Variants in ESRRB observed in about 807,000 individuals in gnomAD.
ESRRB encodes the protein steroid hormone receptor ERR2.
In ESRRB, 16 loss-of-function variants were observed where a neutral mutation model predicts 46.0. That is an observed-to-expected ratio of 0.35 (90% CI 0.24 to 0.53). The LOEUF (loss-of-function observed/expected upper bound fraction) is 0.53. ESRRB is among the 20% of genes least tolerant of loss of function. ESRRB has a pLI of 0.93. For missense variants in ESRRB, 488 were observed against 607.4 expected, an observed-to-expected ratio of 0.80 and a Z score of 2.07; for synonymous variants, 246 against 259.6, an observed-to-expected ratio of 0.95 and a Z score of 0.50.
chr14:76,403,708 T>C (rs1021218085), intron 1 of ESRRB, among the ~76,000 whole-genome samples: 3 of 151,984 alleles, frequency 2.0e-5, no homozygotes, highest in African/African-American at 7.2e-5. Context: ...TGACAGGTGG[T>C]AAGACCCTGC....
intron 1 of ESRRB, among the ~76,000 whole-genome samples, chr14:76,328,194 A>G (rs975459908): frequency 1.3e-5 from 2 of 152,210 alleles, no homozygotes; most frequent in African/African-American, 4.8e-5. Flanking sequence ...ACTCATGCCA[A>G]TATAGGACCT....
chr14:76,345,397 A>G (rs141381640), intron 1 of ESRRB, among the ~76,000 whole-genome samples: 1,680 of 152,320 alleles, frequency 0.011, 33 homozygotes, highest in African/African-American at 0.038. Flanking sequence ...TGAATAGACA[A>G]TTCTCAAAAG....
chr14:76,352,831 C>A (rs1566858382), intron 1 of ESRRB, among the ~76,000 whole-genome samples: 2 of 152,220 alleles, frequency 1.3e-5, no homozygotes, highest in African/African-American at 2.4e-5. Context: ...GGAACGCGGG[C>A]TCTCTCCCCT....
chr14:76,451,161 G>A lies in ESRRB; in HGVS notation c.461-11384G>A, dbSNP rs111964742. On this transcript the variant is annotated intron_variant, in intron 2 of 6. Transcript: ENST00000644823. ...AGGAGGGGGCTCAGTGGTGGATGATGGGCTGGGAAAACAGCATGGCACTGG... is the reference window on the plus strand; with the variant it reads ...AGGAGGGGGCTCAGTGGTGGATGATAGGCTGGGAAAACAGCATGGCACTGG... Among the ~76,000 whole-genome samples, 519 of 152,316 alleles carry A rather than the reference G, an allele frequency of 3.4e-3. 8 individuals are homozygous for A. Among genetic ancestry groups the A allele is most frequent in the African/African-American group, 0.012 (499 of 41,570 alleles).
At chr14:76,334,124 A>G (rs1164360593) in intron 1 of ESRRB, among the ~76,000 whole-genome samples, 1 of 152,200 alleles carries the variant, frequency 6.6e-6, no homozygotes, top group Non-Finnish European at 1.5e-5. Context: ...GAATTATAAA[A>G]ATAAGAATAA....
intron 3 of ESRRB, among the ~76,000 whole-genome samples, chr14:76,469,578 A>G (rs1330602830): frequency 6.6e-6 from 1 of 152,246 alleles, no homozygotes; most frequent in Non-Finnish European, 1.5e-5. Flanking sequence ...CATTAAAAAA[A>G]GAGACAGGCT....
intron 3 of ESRRB, among the ~76,000 whole-genome samples, chr14:76,469,220 A>G (rs1305791637): frequency 6.6e-6 from 1 of 152,004 alleles, no homozygotes; most frequent in Non-Finnish European, 1.5e-5. Context: ...CAACTTCCCA[A>G]GTAGCTGAGA....
intron 1 of ESRRB, among the ~76,000 whole-genome samples, chr14:76,350,910 G>T (rs1884306122): frequency 6.6e-6 from 1 of 152,224 alleles, no homozygotes; most frequent in Non-Finnish European, 1.5e-5. Flanking sequence ...AGGCTGGCAG[G>T]TGAGGTACAG....
chr14:76,416,548 C>T (rs1409346216), intron 1 of ESRRB, among the ~76,000 whole-genome samples: 1 of 152,084 alleles, frequency 6.6e-6, no homozygotes, highest in Non-Finnish European at 1.5e-5. Flanking sequence ...TGGTTCACTG[C>T]AACCTCCACC....
intron 6 of ESRRB, among the ~76,000 whole-genome samples, chr14:76,493,086 A>T (rs990709352): frequency 6.6e-6 from 1 of 152,184 alleles, no homozygotes; most frequent in Admixed American, 6.5e-5. Flanking sequence ...TAGCAGTATG[A>T]CCTTGGGTAA....
chr14:76,391,819 A>T (rs537547867), intron 1 of ESRRB, among the ~76,000 whole-genome samples: 39 of 152,228 alleles, frequency 2.6e-4, no homozygotes, highest in African/African-American at 9.4e-4. Context: ...CTGGTTGAGG[A>T]GGTGGGTGGG....
At chr14:76,489,201 A>C (rs1890124373) in intron 5 of ESRRB, among the ~76,000 whole-genome samples, 1 of 150,028 alleles carries the variant, frequency 6.7e-6, no homozygotes, top group Admixed American at 6.6e-5. Flanking sequence ...CTCCTCCTCC[A>C]TCTCCCCTCC....
chr14:76,397,023 G>A (rs558172438), intron 1 of ESRRB, among the ~76,000 whole-genome samples: 82 of 152,306 alleles, frequency 5.4e-4, no homozygotes, highest in Non-Finnish European at 1.1e-3. Context: ...GGACTGACTC[G>A]GGAAAGGACA....
chr14:76,462,737 C>A, intron 3 of ESRRB, 76 bp downstream of exon 3: 2 of 1,102,460 alleles, frequency 1.8e-6, no homozygotes, highest in Non-Finnish European at 1.4e-6. Context: ...GTGAGACACC[C>A]ACAAGCTGTG....
chr14:76,363,249 T>C (rs778861354), intron 1 of ESRRB, among the ~76,000 whole-genome samples: 2 of 152,240 alleles, frequency 1.3e-5, no homozygotes, highest in Non-Finnish European at 2.9e-5. Context: ...TTTATTTTGC[T>C]GAGGAATTTA....
At chr14:76,408,404 C>T (rs958504661) in intron 1 of ESRRB, among the ~76,000 whole-genome samples, 2 of 151,996 alleles carry the variant, frequency 1.3e-5, no homozygotes, top group Non-Finnish European at 2.9e-5. Flanking sequence ...CATGGCAAGA[C>T]TCTGTCTCTA....
intron 1 of ESRRB, among the ~76,000 whole-genome samples, chr14:76,414,668 TAAAAAAAAAAAAAA>T (rs71452810): frequency 5.1e-5 from 6 of 116,852 alleles, no homozygotes; most frequent in African/African-American, 1.5e-4. Context: ...GTTTGTTCCT[TAAAAAAAAAAAAAA>T]AAAAAAAAAA....
intron 1 of ESRRB, chr14:76,407,689 G>A (rs777140003): frequency 7.6e-5 from 55 of 721,090 alleles, no homozygotes; most frequent in Non-Finnish European, 9.0e-5. Flanking sequence ...AGACCATGCT[G>A]TCTTGTGGGA....
At chr14:76,357,716 A>G (rs1317756326) in intron 1 of ESRRB, among the ~76,000 whole-genome samples, 2 of 152,208 alleles carry the variant, frequency 1.3e-5, no homozygotes, top group Non-Finnish European at 2.9e-5. Flanking sequence ...GGATCTTGCT[A>G]CATTGCCCAG....
Sources: allele counts gnomAD v4.1 joint callset (sites outside exome capture counted in the v4.1 genomes callset), GRCh38; gene constraint gnomAD v4.1.1; transcripts MANE v1.5; gene names NCBI Gene and HGNC (gene_info 2026-07-23, HGNC 2026-07-21).